The following UVRAG variants were observed in gnomAD, a reference collection of about 807,000 sequenced individuals.
UVRAG encodes UV radiation resistance-associated gene protein.
In UVRAG, 19 loss-of-function variants were observed where a neutral mutation model predicts 78.0. That is an observed-to-expected ratio of 0.24 (90% confidence interval 0.17 to 0.36). The LOEUF (loss-of-function observed/expected upper bound fraction) is 0.36, where lower values mean the gene tolerates loss of function less well. Ranked by LOEUF, UVRAG falls within the 10% of genes least tolerant of loss-of-function variation. UVRAG has a pLI of 1.00. For synonymous variants in UVRAG, 323 were observed against 324.6 expected (o/e 1.00, Z 0.05); for missense variants, 740 against 853.8 (o/e 0.87, Z 1.66).
At chr11:75,971,213 A>G (rs1949115516) in intron 7 of UVRAG, among the ~76,000 whole-genome samples, 1 of 152,196 alleles carries the variant, frequency 6.6e-6, no homozygotes, top group Admixed American at 6.5e-5. Context: ...ATAGTACTCC[A>G]TTGTATATAT....
At chr11:76,029,390 C>T (rs1399544320) in intron 12 of UVRAG, among the ~76,000 whole-genome samples, 2 of 152,102 alleles carry the variant, frequency 1.3e-5, no homozygotes, top group Admixed American at 1.3e-4. Context: ...AAGACTGTAG[C>T]TGCCATACAT....
chr11:75,853,224 T>C (rs1046491618), intron 2 of UVRAG, among the ~76,000 whole-genome samples: 1 of 151,600 alleles, frequency 6.6e-6, no homozygotes, highest in Non-Finnish European at 1.5e-5. Flanking sequence ...CTTTTTAGTT[T>C]TAATGATTAT....
Position 76,141,667 on chromosome 11 carries a change from C to CT in UVRAG, c.*256dup, listed in dbSNP as rs1952726210. On this transcript the variant is annotated 3_prime_UTR_variant, in exon 15 of 15. Transcript: ENST00000356136. ...AAAAATCACCCTCTAGTTGAAAGAG[C>CT]TTACAGCTCGAGTCACCTTTTAGCT... 4 of 502,674 alleles carry CT rather than the reference C, an allele frequency of 8.0e-6. No individual in the cohort carries two copies. Among genetic ancestry groups the CT allele is most frequent in the Non-Finnish European group, 1.4e-5 (4 of 283,400 alleles). The allele number at this position is 502,674 out of a possible 1,614,324, so 31.1% of individuals were successfully genotyped here.
intron 5 of UVRAG, among the ~76,000 whole-genome samples, chr11:75,910,239 A>G (rs185732819): frequency 1.6e-4 from 25 of 152,350 alleles, no homozygotes; most frequent in East Asian, 7.7e-4. Flanking sequence ...TAATGATACT[A>G]CTAGCATTAT....
intron 8 of UVRAG, among the ~76,000 whole-genome samples, chr11:75,997,639 G>A (rs960429735): frequency 1.6e-4 from 25 of 152,142 alleles, no homozygotes; most frequent in African/African-American, 6.0e-4. Context: ...GATGTCATTG[G>A]GATAGCAAAG....
At chr11:75,945,676 CA>C (rs1948574107) in intron 6 of UVRAG, among the ~76,000 whole-genome samples, 1 of 152,122 alleles carries the variant, frequency 6.6e-6, no homozygotes, top group Admixed American at 6.6e-5. Flanking sequence ...ACCAGGTTTT[CA>C]TAATCTGACC....
At chr11:75,877,190 C>A (rs1946807285) in intron 3 of UVRAG, among the ~76,000 whole-genome samples, 1 of 151,934 alleles carries the variant, frequency 6.6e-6, no homozygotes. Flanking sequence ...CAACAGGATC[C>A]CAAGACAGAA....
intron 3 of UVRAG, among the ~76,000 whole-genome samples, chr11:75,868,936 G>T (rs1406918738): frequency 6.6e-6 from 1 of 152,172 alleles, no homozygotes; most frequent in Non-Finnish European, 1.5e-5. Context: ...TCTGTACCTG[G>T]ATTTTTTAAA....
chr11:75,977,543 A>T (rs1470573880), intron 7 of UVRAG, among the ~76,000 whole-genome samples: 1 of 152,072 alleles, frequency 6.6e-6, no homozygotes, highest in African/African-American at 2.4e-5. Flanking sequence ...TGCTTTATTA[A>T]TCTGGGTGCT....
intron 12 of UVRAG, among the ~76,000 whole-genome samples, chr11:76,031,014 T>C (rs919803154): frequency 6.6e-6 from 1 of 152,206 alleles, no homozygotes; most frequent in Admixed American, 6.5e-5. Flanking sequence ...GAGGCTTGTA[T>C]TTTGTAGACA....
At chr11:75,891,228 A>G (rs1220529925) in intron 5 of UVRAG, among the ~76,000 whole-genome samples, 3 of 152,126 alleles carry the variant, frequency 2.0e-5, no homozygotes, top group Non-Finnish European at 4.4e-5. Flanking sequence ...ACAGATTTCT[A>G]TAAATAATAT....
intron 6 of UVRAG, among the ~76,000 whole-genome samples, chr11:75,935,775 G>T (rs1458773832): frequency 1.3e-5 from 2 of 151,974 alleles, no homozygotes; most frequent in Non-Finnish European, 2.9e-5. Context: ...ATAAATCATG[G>T]ATATTTGCTA....
intron 5 of UVRAG, among the ~76,000 whole-genome samples, chr11:75,910,937 T>C (rs1236198746): frequency 6.6e-6 from 1 of 152,222 alleles, no homozygotes; most frequent in Non-Finnish European, 1.5e-5. Flanking sequence ...TGAAATATTA[T>C]TGTTAATACT....
intron 6 of UVRAG, among the ~76,000 whole-genome samples, chr11:75,951,225 A>G (rs187357739): frequency 3.6e-4 from 54 of 152,112 alleles, no homozygotes; most frequent in African/African-American, 9.4e-4. Flanking sequence ...TTTATTTCCT[A>G]TATACGTATT....
chr11:76,061,694 C>T (rs1951098319), intron 12 of UVRAG, among the ~76,000 whole-genome samples: 1 of 151,846 alleles, frequency 6.6e-6, no homozygotes, highest in African/African-American at 2.4e-5. Context: ...AAGAAACTCC[C>T]AACACATCCG....
intron 1 of UVRAG, among the ~76,000 whole-genome samples, chr11:75,842,247 C>T (rs1945930212): frequency 6.6e-6 from 1 of 152,108 alleles, no homozygotes; most frequent in South Asian, 2.1e-4. Context: ...ACAGGGGTGG[C>T]AGCATTACAC....
At chr11:76,058,407 C>T (rs745763991) in intron 12 of UVRAG, among the ~76,000 whole-genome samples, 16 of 151,760 alleles carry the variant, frequency 1.1e-4, no homozygotes, top group African/African-American at 1.7e-4. Flanking sequence ...GTAGTGCACA[C>T]CTGCAGTCCC....
At chr11:75,817,348 A>G (rs1945281373) in intron 1 of UVRAG, among the ~76,000 whole-genome samples, 1 of 152,332 alleles carries the variant, frequency 6.6e-6, no homozygotes, top group African/African-American at 2.4e-5. Flanking sequence ...AACAGTTCAC[A>G]GTTTAACACT....
chr11:75,965,783 A>G (rs1418368058), intron 7 of UVRAG, among the ~76,000 whole-genome samples: 2 of 152,168 alleles, frequency 1.3e-5, no homozygotes, highest in Admixed American at 6.5e-5. Context: ...CTGTCTTGCA[A>G]TCTTGTTATA....
Sources: gnomAD v4.1 joint callset for allele counts (sites outside exome capture counted in the v4.1 genomes callset) on GRCh38, gnomAD v4.1.1 for gene constraint, MANE v1.5 for transcripts, NCBI Gene and HGNC (gene_info 2026-07-23, HGNC 2026-07-21) for gene names.